Variants in MRPL9 observed in about 807,000 individuals in gnomAD.
MRPL9 encodes mitochondrial ribosomal protein L9.
A neutral mutation model predicts 27.6 loss-of-function variants in MRPL9; 25 were observed. The observed-to-expected ratio is 0.91, with a 90% CI of 0.66 to 1.27. MRPL9 has a LOEUF of 1.27. MRPL9 is among the 50% of genes most tolerant of loss of function. The pLI is 0.00. For synonymous variants in MRPL9, 154 were observed against 139.0 expected (o/e 1.11, Z -0.76); for missense variants, 362 against 338.0 (o/e 1.07, Z -0.56).
intron 3 of MRPL9, 86 bp downstream of exon 3, chr1:151,762,290 G>A (rs1648125887): frequency 6.3e-7 from 1 of 1,592,168 alleles, no homozygotes; most frequent in Non-Finnish European, 8.6e-7. Context: ...TCATTTTCAA[G>A]TTAAGTTAAA....
chr1:151,760,906 A>C lies in MRPL9; in HGVS notation c.589-7T>G, dbSNP rs1308878605. 1 of 1,234,928 alleles carries C rather than the reference A, an allele frequency of 8.1e-7. No individual in the cohort carries two copies. Among genetic ancestry groups the C allele is most frequent in the African/African-American group, 1.5e-5 (1 of 64,748 alleles). 76.5% of individuals were successfully genotyped at this position (1,234,928 alleles called of 1,614,324 possible). On this transcript the variant is annotated splice_region_variant and splice_polypyrimidine_tract_variant and intron_variant, in intron 5 of 6. Transcript: ENST00000368830. ...GGGCAACCACAACACCAAGCTGCAA[A>C]AAAAAAAAAAAAAAAAAAAATCTCA...
At position 151,763,451 on chromosome 1, in the gene MRPL9, C is replaced by G; in HGVS notation, c.29G>C (p.Gly10Ala). The G allele has an allele frequency of 6.4e-7, 1 of 1,573,558 alleles. No individual in the cohort carries two copies. Among genetic ancestry groups the G allele is most frequent in the Non-Finnish European group, 8.6e-7 (1 of 1,159,886 alleles). MAAPVVTAP[G>A]RALLRAGAGR... Reference sequence around the variant, plus strand: ...AGCGCCCGCCCGCAGCAGAGCTCTGCCCGGGGCCGTGACAACGGGCGCCGC... The same window carrying G: ...AGCGCCCGCCCGCAGCAGAGCTCTGGCCGGGGCCGTGACAACGGGCGCCGC... The change falls in exon 1 of 7, where the codon GGC becomes GCC. Residue 10 changes from glycine to alanine, a missense_variant. Physicochemically the swap from Gly to Ala is moderately conservative, Grantham distance 60. Coordinates refer to ENST00000368830, the MANE Select transcript of MRPL9 (RefSeq NM_031420.4).
chr1:151,762,453 G>C lies in MRPL9; in HGVS notation c.358C>G (p.Arg120Gly), dbSNP rs564721886. 1.2e-6 allele frequency: 2 copies of C among 1,614,052 alleles called. No individual in the cohort carries two copies. Among genetic ancestry groups the C allele is most frequent in the Non-Finnish European group, 1.7e-6 (2 of 1,179,992 alleles). The change falls in exon 3 of 7, where the codon CGG becomes GGG. Residue 120 changes from arginine (R) to glycine (G), a missense_variant. Transcript: ENST00000368830. ...DLVSVKKSLG[R>G]NRLLPQGLAV... ...AGTCCCTGAGGAAGGAGTCGATTCC[G>C]GCCTAAAGATTTCTTCACTGAGACC...
chr1:151,760,775 A>T, intron 6 of MRPL9, 41 bp downstream of exon 6: 1 of 1,502,644 alleles, frequency 6.7e-7, no homozygotes. Flanking sequence ...GTGGGGGAAA[A>T]GGAGAAAGAA....
chr1:151,761,987 T>C, intron 4 of MRPL9, 118 bp downstream of exon 4: 5 of 1,016,798 alleles, frequency 4.9e-6, no homozygotes, highest in Non-Finnish European at 7.7e-6. Flanking sequence ...GCCACAACAC[T>C]TCCCCTTTCT....
chr1:151,760,770 G>T, intron 6 of MRPL9, 46 bp downstream of exon 6: 2 of 1,493,534 alleles, frequency 1.3e-6, no homozygotes. Context: ...AAAAAGTGGG[G>T]GAAAAGGAGA....
intron 5 of MRPL9, 22 bp from the exon 6 acceptor site, chr1:151,760,921 A>AAAAAAAAAAAAAAAAAAAAAAAAAG: frequency 6.5e-7 from 1 of 1,540,780 alleles, no homozygotes; most frequent in Non-Finnish European, 8.7e-7. Flanking sequence ...AAAAAAAAAA[A>AAAAAAAAAAAAAAAAAAAAAAAAAG]AAAAATCTCA....
chr1:151,762,649 A>G (rs1648151673), intron 2 of MRPL9, 149 bp from the exon 3 acceptor site: 1 of 791,534 alleles, frequency 1.3e-6, no homozygotes, highest in African/African-American at 1.7e-5. Context: ...ACAAGATTTA[A>G]GAGACTGCTA....
intron 6 of MRPL9, 62 bp downstream of exon 6, chr1:151,760,754 A>G: frequency 2.1e-6 from 3 of 1,454,562 alleles, no homozygotes; most frequent in Non-Finnish European, 2.8e-6. Flanking sequence ...AGAAAGGAAA[A>G]AAAGGAAAAA....
At chr1:151,761,094 TTC>T (rs2101540740) in intron 5 of MRPL9, among the ~76,000 whole-genome samples, 195 bp from the exon 6 acceptor site, 1 of 152,254 alleles carries the variant, frequency 6.6e-6, no homozygotes, top group South Asian at 2.1e-4. Context: ...AGAAATTCAA[TTC>T]TGATTTCTCA....
chr1:151,763,212 C>G (rs780493834), intron 1 of MRPL9, 66 bp from the exon 2 acceptor site: 11 of 1,560,210 alleles, frequency 7.1e-6, no homozygotes. Flanking sequence ...CCACCACGGC[C>G]GCCAGCCCCT....
In MRPL9 at chr1:151,760,111, T is replaced by G. The variant is rs746064320; in HGVS notation, c.743A>C (p.Tyr248Ser). The G allele has an allele frequency of 6.2e-7, 1 of 1,614,174 alleles. No individual in the cohort carries two copies. Among genetic ancestry groups the G allele is most frequent in the Non-Finnish European group, 8.5e-7 (1 of 1,180,028 alleles). Residue 248 changes from tyrosine to serine, a missense_variant, in exon 7 of 7, where the codon TAT (tyrosine) becomes TCT (serine). Coordinates refer to ENST00000368830, the MANE Select transcript of MRPL9 (RefSeq NM_031420.4). ...VNFEKPKTKRYKYWLAQQAAK... is the reference protein window; with the variant it reads ...VNFEKPKTKRSKYWLAQQAAK... ...AGCTTGCTGGGCTAACCAGTACTTA[T>G]ATCTTTTGGTCTTGGGCTTCTCAAA...
At chr1:151,760,576 CAAAAAAAAAAAAA>C (rs11454049) in intron 6 of MRPL9, among the ~76,000 whole-genome samples, 4 of 50,342 alleles carry the variant, frequency 7.9e-5, no homozygotes, top group African/African-American at 2.6e-4. Flanking sequence ...GACTCCAGCT[CAAAAAAAAAAAAA>C]AAAAAAAAAA....
intron 4 of MRPL9, 53 bp downstream of exon 4, chr1:151,762,052 G>C: frequency 6.4e-7 from 1 of 1,559,614 alleles, no homozygotes; most frequent in Non-Finnish European, 8.8e-7. Context: ...AGACTCTCAG[G>C]GTGAGGTTGG....
At position 151,760,029 on chromosome 1, in the gene MRPL9, T is replaced by A; in HGVS notation, c.*21A>T. The A allele has an allele frequency of 6.2e-7, 1 of 1,609,102 alleles. No individual in the cohort carries two copies. Among genetic ancestry groups the A allele is most frequent in the Non-Finnish European group, 8.5e-7 (1 of 1,177,126 alleles). On this transcript the variant is annotated 3_prime_UTR_variant, in exon 7 of 7. Coordinates refer to ENST00000368830, the MANE Select transcript of MRPL9 (RefSeq NM_031420.4). ...TCCACTGCTCCCGATTCTGCTTTGC[T>A]GCCTTGGAGGGAGAGTAGATTTAGA...
At chr1:151,761,868 TC>T in intron 4 of MRPL9, 2 of 599,718 alleles carry the variant, frequency 3.3e-6, no homozygotes, top group East Asian at 5.5e-5. Flanking sequence ...CTCAGACTAT[TC>T]CATGGGTTCC....
chr1:151,760,289 G>A lies in MRPL9; in HGVS notation c.673-108C>T, dbSNP rs1648005478. Reference sequence around the variant, plus strand: ...ACTTTTCTCCCAGTCAGAAAAAGGAGAGCTAGGGCTGGGCACAGTGGCTTA... The same window carrying A: ...ACTTTTCTCCCAGTCAGAAAAAGGAAAGCTAGGGCTGGGCACAGTGGCTTA... On this transcript the variant is annotated intron_variant, in intron 6 of 6. Coordinates refer to ENST00000368830, the MANE Select transcript of MRPL9 (RefSeq NM_031420.4). 1.5e-5 allele frequency: 22 copies of A among 1,443,506 alleles called. 1 individual carries two copies. The South Asian group carries it at 2.5e-4, about 16-fold the overall frequency. The allele number at this position is 1,443,506 out of a possible 1,614,324, so 89.4% of individuals were successfully genotyped here. A position where few individuals can be genotyped will look rare whatever the true frequency, so the allele number is the denominator to read the frequency against.
rs936378163 is a variant in MRPL9, at chr1:151,759,844, C to G, written c.*206G>C. ...TTATCAAATCTACAGCCTGGTACTT[C>G]TGGAACAGGACTTCCCTGCCCCAGT... On this transcript the variant is annotated 3_prime_UTR_variant, in exon 7 of 7. Coordinates refer to ENST00000368830, the MANE Select transcript of MRPL9 (RefSeq NM_031420.4). 49 of 594,256 alleles carry G rather than the reference C, an allele frequency of 8.2e-5. No homozygotes were observed. The Middle Eastern group carries it at 2.8e-3, about 34-fold the overall frequency. 36.8% of individuals were successfully genotyped at this position (594,256 alleles called of 1,614,324 possible). A position where few individuals can be genotyped will look rare whatever the true frequency, so the allele number is the denominator to read the frequency against.
intron 4 of MRPL9, 96 bp downstream of exon 4, chr1:151,762,009 G>T (rs1048998747): frequency 1.5e-5 from 18 of 1,233,504 alleles, no homozygotes; most frequent in Non-Finnish European, 2.0e-5. Context: ...CCACTCTTGG[G>T]TCTGCAATCA....
Sources: allele counts gnomAD v4.1 joint callset (sites outside exome capture counted in the v4.1 genomes callset), GRCh38; gene constraint gnomAD v4.1.1; transcripts MANE v1.5; gene names NCBI Gene and HGNC (gene_info 2026-07-23, HGNC 2026-07-21).